LCA5L: variants seen among roughly 807,000 people sequenced by gnomAD.
LCA5L encodes the protein lebercilin LCA5 like.
In LCA5L, 35 loss-of-function variants were observed where a neutral mutation model predicts 45.4. The ratio of observed to expected loss-of-function variants is 0.77; its 90% CI spans 0.59 to 1.02. LCA5L has a LOEUF of 1.02. LCA5L is among the 50% of genes least tolerant of loss of function. The pLI is 0.00. For synonymous variants in LCA5L, 233 were observed against 264.7 expected (o/e 0.88, Z 1.16); for missense variants, 668 against 761.6 (o/e 0.88, Z 1.45).
intron 8 of LCA5L, among the ~76,000 whole-genome samples, 155 bp from the exon 9 acceptor site, chr21:39,410,522 GT>G (rs1388958290): frequency 6.6e-6 from 1 of 152,122 alleles, no homozygotes; most frequent in East Asian, 1.9e-4. Context: ...TTAGTTTCCT[GT>G]TTTTCCCTCC....
chr21:39,414,736 C>CTG (rs1445537335), intron 7 of LCA5L, among the ~76,000 whole-genome samples: 299 of 92,238 alleles, frequency 3.2e-3, no homozygotes, highest in African/African-American at 0.01. Context: ...CTCTCTCTCT[C>CTG]TCTCTCTGTG....
chr21:39,435,823 A>T (rs2076233154), intron 2 of LCA5L, among the ~76,000 whole-genome samples: 1 of 152,166 alleles, frequency 6.6e-6, no homozygotes, highest in Non-Finnish European at 1.5e-5. Flanking sequence ...TTTTTAGTAC[A>T]GACGGGGTTT....
chr21:39,443,077 G>C (rs1481648823), intron 2 of LCA5L, among the ~76,000 whole-genome samples: 1 of 152,188 alleles, frequency 6.6e-6, no homozygotes, highest in Non-Finnish European at 1.5e-5. Context: ...AGTTTCAGAT[G>C]CCGCTGAGAG....
chr21:39,431,062 A>T (rs928816664), intron 3 of LCA5L, among the ~76,000 whole-genome samples: 4 of 152,256 alleles, frequency 2.6e-5, no homozygotes, highest in Middle Eastern at 3.2e-3. Context: ...GTAGAGCCAC[A>T]TAAGAATAAA....
At chr21:39,421,946 CA>C (rs1180775705) in intron 6 of LCA5L, 1 of 152,118 alleles carries the variant, frequency 6.6e-6, no homozygotes, top group African/African-American at 2.4e-5. Context: ...AACTTAGATA[CA>C]TACATGAAAA....
At chr21:39,432,282 C>A (rs899284989) in intron 3 of LCA5L, among the ~76,000 whole-genome samples, 1 of 151,978 alleles carries the variant, frequency 6.6e-6, no homozygotes, top group Non-Finnish European at 1.5e-5. Flanking sequence ...AACAAATAGA[C>A]AATTGTTTTT....
chr21:39,431,553 C>T (rs2075722496), intron 3 of LCA5L, among the ~76,000 whole-genome samples: 1 of 151,970 alleles, frequency 6.6e-6, no homozygotes, highest in South Asian at 2.1e-4. Context: ...GAGTCTTGCT[C>T]TGTCGCCAGG....
chr21:39,441,165 G>C (rs928252252), intron 2 of LCA5L, among the ~76,000 whole-genome samples: 1 of 151,954 alleles, frequency 6.6e-6, no homozygotes, highest in African/African-American at 2.4e-5. Flanking sequence ...GTGAGACCCT[G>C]TTCCTAAAAA....
In LCA5L at chr21:39,406,517, T is replaced by C; in HGVS notation, c.1378A>G (p.Ile460Val). Residue 460 changes from isoleucine to valine, a missense_variant, in exon 11 of 11, where the codon ATT becomes GTT. By Grantham distance (29) the Ile-to-Val change is conservative (BLOSUM62 3). Transcript: ENST00000288350. ...AGTTCTTGCTCTTCTTTCACAAAAATGTTTTTCTTTTCTTGGTCTTCTTTT... is the reference window on the plus strand; with the variant it reads ...AGTTCTTGCTCTTCTTTCACAAAAACGTTTTTCTTTTCTTGGTCTTCTTTT... ...DKKEDQEKKN[I>V]FVKEEQELPP... The C allele has an allele frequency of 6.2e-7, 1 of 1,613,404 alleles. No individual in the cohort carries two copies. The highest frequency in any genetic ancestry group is 1.3e-5 in the African/African-American group (1 of 74,930).
chr21:39,410,081 C>T lies in LCA5L; in HGVS notation c.1180G>A (p.Gly394Arg), dbSNP rs1261874184. 2 of 1,608,870 alleles carry T rather than the reference C, an allele frequency of 1.2e-6. No homozygotes were observed. The highest frequency in any genetic ancestry group is 2.7e-5 in the African/African-American group (2 of 74,788). ...PLTTKGKKAT[G>R]NIDHKEKSTE... ...GATTTTTCTTTATGATCGATGTTTC[C>T]TGTTGCCTTTTTACCCTGTAATTTA... Residue 394 changes from glycine to arginine, a missense_variant, in exon 10 of 11, where the codon GGA becomes AGA. Coordinates refer to ENST00000288350, the MANE Select transcript of LCA5L (RefSeq NM_152505.4).
Position 39,436,811 on chromosome 21 carries a change from G to A in LCA5L, c.-245-1238C>T, listed in dbSNP as rs149804152. On this transcript the variant is annotated intron_variant, in intron 2 of 10. Transcript: ENST00000288350. ...AGTAATTATATTCTTAACCAGTCCT[G>A]CCTCTTGGGAAAAAAAACTTACTCA... 8.7e-4 allele frequency among the ~76,000 whole-genome samples: 132 copies of A among 152,148 alleles called. No individual in the cohort carries two copies. The East Asian group carries it at 0.021, about 24-fold the overall frequency.
At chr21:39,443,228 G>A (rs186412651) in intron 2 of LCA5L, among the ~76,000 whole-genome samples, 187 of 152,304 alleles carry the variant, frequency 1.2e-3, no homozygotes, top group African/African-American at 4.0e-3. Flanking sequence ...TTTGCCTGTC[G>A]AAAGGGATAA....
intron 7 of LCA5L, 28 bp from the exon 8 acceptor site, chr21:39,411,830 CT>C (rs2040131780): frequency 7.8e-7 from 1 of 1,290,234 alleles, no homozygotes; most frequent in African/African-American, 1.5e-5. Context: ...ACCAATTTTT[CT>C]ATAAATGCTT....
intron 4 of LCA5L, among the ~76,000 whole-genome samples, chr21:39,428,866 G>C (rs1353084699): frequency 6.6e-6 from 1 of 151,430 alleles, no homozygotes; most frequent in African/African-American, 2.4e-5. Context: ...CTCCCACCTT[G>C]GTCTCACAAA....
At chr21:39,429,772 C>T (rs1317834095) in intron 3 of LCA5L, among the ~76,000 whole-genome samples, 1 of 152,142 alleles carries the variant, frequency 6.6e-6, no homozygotes, top group African/African-American at 2.4e-5. Flanking sequence ...AATACCAGCA[C>T]TTTGGGAGGC....
intron 5 of LCA5L, among the ~76,000 whole-genome samples, chr21:39,424,717 T>A (rs973939980): frequency 6.6e-6 from 1 of 152,216 alleles, no homozygotes; most frequent in African/African-American, 2.4e-5. Flanking sequence ...ATACCGATTT[T>A]CCATCTCTCA....
intron 5 of LCA5L, among the ~76,000 whole-genome samples, chr21:39,425,488 T>C (rs2074509944): frequency 6.6e-6 from 1 of 152,228 alleles, no homozygotes; most frequent in South Asian, 2.1e-4. Context: ...GGGCTATGGC[T>C]GAATATTAAG....
chr21:39,420,686 T>C lies in LCA5L; in HGVS notation c.975+20A>G. 1 of 1,595,856 alleles carries C rather than the reference T, an allele frequency of 6.3e-7. No homozygotes were observed. Among genetic ancestry groups the C allele is most frequent in the African/African-American group, 1.3e-5 (1 of 74,522 alleles). On this transcript the variant is annotated intron_variant, in intron 7 of 10. Coordinates refer to ENST00000288350, the MANE Select transcript of LCA5L (RefSeq NM_152505.4). ...CGGGAAACAGGATTTCATTCTTACA[T>C]TTTGTTTTAAAAGAAATACCTTAAG... is the stretch of plus-strand genomic sequence containing the variant.
At chr21:39,406,682 T>A in intron 10 of LCA5L, 70 bp from the exon 11 acceptor site, 1 of 1,220,408 alleles carries the variant, frequency 8.2e-7, no homozygotes, top group Non-Finnish European at 1.2e-6. Context: ...ATGGCATGTC[T>A]AGTACACTTA....
Sources: allele counts gnomAD v4.1 joint callset (sites outside exome capture counted in the v4.1 genomes callset), GRCh38; gene constraint gnomAD v4.1.1; transcripts MANE v1.5; gene names NCBI Gene and HGNC (gene_info 2026-07-23, HGNC 2026-07-21).